Variants in CDC42SE2 observed in about 807,000 individuals in gnomAD.
CDC42SE2 encodes the protein CDC42 small effector 2.
In CDC42SE2, 3 loss-of-function variants were observed where a neutral mutation model predicts 11.5. The observed-to-expected ratio is 0.26, with a 90% CI of 0.12 to 0.67. The LOEUF (loss-of-function observed/expected upper bound fraction) is 0.67. CDC42SE2 is among the 30% of genes least tolerant of loss of function. The pLI, the probability that CDC42SE2 is intolerant of heterozygous loss-of-function variation, is 0.80. For missense variants in CDC42SE2, 82 were observed against 106.8 expected, an observed-to-expected ratio of 0.77 and a Z score of 1.02; for synonymous variants, 33 against 34.8, an observed-to-expected ratio of 0.95 and a Z score of 0.18.
intron 2 of CDC42SE2, among the ~76,000 whole-genome samples, chr5:131,353,761 T>C (rs1749447135): frequency 6.6e-6 from 1 of 151,652 alleles, no homozygotes; most frequent in Non-Finnish European, 1.5e-5. Flanking sequence ...ATACAAAAAT[T>C]AGCTGGGCGT....
chr5:131,300,286 A>C (rs1187895427), intron 1 of CDC42SE2, among the ~76,000 whole-genome samples: 1 of 152,104 alleles, frequency 6.6e-6, no homozygotes, highest in Non-Finnish European at 1.5e-5. Context: ...GGATAAGGGG[A>C]GTGAGAACAA....
At chr5:131,222,117 T>C in the CDC42SE2 span, among the ~76,000 whole-genome samples, 1 of 152,258 alleles carries the variant, frequency 6.6e-6, no homozygotes, top group Non-Finnish European at 1.5e-5. Context: ...AGAAATTGTT[T>C]GAATTCATAA....
rs1758037981 is a variant in CDC42SE2 at position 131,316,289 on chromosome 5, T to C, written c.-286+145T>C. On this transcript the variant is annotated intron_variant, in intron 2 of 4. Transcript: ENST00000505065. The stretch of plus-strand genomic sequence containing the variant: ...AGCAGTGCAGTTTAAGGGAATTCTT[T>C]ATCCCTAACATCATGTTTAATGTCT... The C allele has an allele frequency of 2.0e-5, 3 of 152,394 alleles. No homozygotes were observed. The South Asian group carries it at 6.2e-4, about 32-fold the overall frequency. The allele number at this position is 152,394 out of a possible 1,614,324, so 9.4% of individuals were successfully genotyped here. A position where few individuals can be genotyped will look rare whatever the true frequency, so the allele number is the denominator to read the frequency against.
intron 3 of CDC42SE2, among the ~76,000 whole-genome samples, chr5:131,361,070 TTTG>T (rs1749691502): frequency 6.7e-6 from 1 of 149,482 alleles, no homozygotes; most frequent in African/African-American, 2.5e-5. Context: ...AGTTTGTTTG[TTTG>T]TTTTTTTTTT....
chr5:131,338,267 A>G (rs1758625226), intron 2 of CDC42SE2, among the ~76,000 whole-genome samples: 1 of 152,192 alleles, frequency 6.6e-6, no homozygotes, highest in Non-Finnish European at 1.5e-5. Context: ...ATTCATCCCA[A>G]ACCCTTCGTA....
chr5:131,280,578 G>C (rs1052839210), intron 1 of CDC42SE2, among the ~76,000 whole-genome samples: 1 of 152,132 alleles, frequency 6.6e-6, no homozygotes, highest in African/African-American at 2.4e-5. Context: ...CTGGAGAAAA[G>C]AATTACTTTC....
chr5:131,369,113 T>A (rs1284771456), intron 3 of CDC42SE2, among the ~76,000 whole-genome samples: 2 of 152,212 alleles, frequency 1.3e-5, no homozygotes, highest in East Asian at 3.8e-4. Context: ...TTTACGATTT[T>A]ACCATCTATG....
rs371255434 is a variant in CDC42SE2, at chr5:131,313,588, T to C, written c.-454-2388T>C. On this transcript the variant is annotated intron_variant, in intron 1 of 4. Transcript: ENST00000505065. ...GTTGAGAAAGCTATCCTTTCTCTGC[T>C]GGATTGCCTTTGTACCCTTATGGAA... Among the ~76,000 whole-genome samples, 121 of 152,328 alleles carry C rather than the reference T, an allele frequency of 7.9e-4. 1 individual carries two copies. Among genetic ancestry groups the C allele is most frequent in the African/African-American group, 2.5e-3 (106 of 41,578 alleles).
chr5:131,229,218 T>G, the CDC42SE2 span, among the ~76,000 whole-genome samples: 1 of 152,040 alleles, frequency 6.6e-6, no homozygotes, highest in Non-Finnish European at 1.5e-5. Flanking sequence ...TCTTGCTATG[T>G]TGTCCAGACT....
At chr5:131,315,205 A>G (rs1445018501) in intron 1 of CDC42SE2, among the ~76,000 whole-genome samples, 1 of 152,024 alleles carries the variant, frequency 6.6e-6, no homozygotes, top group African/African-American at 2.4e-5. Flanking sequence ...GTTAAGGCTT[A>G]TAGGTTTATT....
At chr5:131,228,725 C>T in the CDC42SE2 span, among the ~76,000 whole-genome samples, 3 of 152,018 alleles carry the variant, frequency 2.0e-5, no homozygotes, top group East Asian at 1.9e-4. Context: ...GGTAAGGGGC[C>T]GCTGAGGAAG....
upstream of CDC42SE2, among the ~76,000 whole-genome samples, chr5:131,260,301 A>G (rs892075715): frequency 6.6e-6 from 1 of 152,250 alleles, no homozygotes; most frequent in Non-Finnish European, 1.5e-5. Context: ...AAGAACTGCT[A>G]TAAAATTTTG....
At chr5:131,372,543 C>G (rs1234263471) in intron 3 of CDC42SE2, among the ~76,000 whole-genome samples, 1 of 151,922 alleles carries the variant, frequency 6.6e-6, no homozygotes, top group African/African-American at 2.4e-5. Flanking sequence ...GAAACCCCGT[C>G]TCTACTAAAA....
chr5:131,343,025 A>T (rs936568577), intron 2 of CDC42SE2, among the ~76,000 whole-genome samples: 1 of 152,240 alleles, frequency 6.6e-6, no homozygotes, highest in Non-Finnish European at 1.5e-5. Context: ...ATTATTTTGA[A>T]TAACAGTAAA....
intron 1 of CDC42SE2, among the ~76,000 whole-genome samples, chr5:131,248,738 A>G (rs934033100): frequency 1.3e-5 from 2 of 152,216 alleles, no homozygotes; most frequent in African/African-American, 4.8e-5. Flanking sequence ...ATCTAGGAAT[A>G]AATCTAACAG....
chr5:131,321,851 T>C (rs1758197345), intron 2 of CDC42SE2, among the ~76,000 whole-genome samples: 1 of 152,132 alleles, frequency 6.6e-6, no homozygotes, highest in Non-Finnish European at 1.5e-5. Context: ...ATGTTTTTTT[T>C]GTTTTGTTTT....
At chr5:131,326,361 A>AC (rs1476433341) in intron 2 of CDC42SE2, among the ~76,000 whole-genome samples, 1 of 151,940 alleles carries the variant, frequency 6.6e-6, no homozygotes, top group Non-Finnish European at 1.5e-5. Context: ...GATTTTTAAA[A>AC]CCATCTTTTT....
chr5:131,371,440 C>T (rs1750010015), intron 3 of CDC42SE2, among the ~76,000 whole-genome samples: 1 of 152,070 alleles, frequency 6.6e-6, no homozygotes, highest in Non-Finnish European at 1.5e-5. Flanking sequence ...CTACTTTTGT[C>T]TATTGAACTT....
upstream of CDC42SE2, among the ~76,000 whole-genome samples, chr5:131,242,108 T>G (rs1047535348): frequency 3.9e-5 from 6 of 152,204 alleles, no homozygotes; most frequent in East Asian, 1.2e-3. Flanking sequence ...TTGATACTCT[T>G]CCAGGCATAC....
Sources: allele counts gnomAD v4.1 joint callset (sites outside exome capture counted in the v4.1 genomes callset), GRCh38; gene constraint gnomAD v4.1.1; transcripts MANE v1.5; gene names NCBI Gene and HGNC (gene_info 2026-07-23, HGNC 2026-07-21).